RANBP17: variants seen among roughly 807,000 people sequenced by gnomAD.
RANBP17 encodes RAN binding protein 17, also known as ran-binding protein 17.
RANBP17 carries 158 observed loss-of-function variants against 141.2 expected under a neutral mutation model. The ratio of observed to expected loss-of-function variants is 1.12; its 90% CI spans 0.98 to 1.28. RANBP17 has a LOEUF of 1.28. Among genes scored for constraint, RANBP17 ranks in the 50% most tolerant of loss-of-function variants. The probability of loss-of-function intolerance (pLI) is 0.00; values close to 1 mark genes in which losing one functional copy is unlikely to be tolerated. For missense variants in RANBP17, 1,438 were observed against 1,290.7 expected (o/e 1.11, Z -1.75); for synonymous variants, 430 against 450.0 (o/e 0.96, Z 0.56).
chr5:170,930,634 C>T (rs974650883), intron 12 of RANBP17, among the ~76,000 whole-genome samples: 12 of 152,046 alleles, frequency 7.9e-5, no homozygotes, highest in Non-Finnish European at 1.2e-4. Flanking sequence ...TTGTTCAGTT[C>T]CCACCTATGA....
At chr5:171,264,928 A>G (rs1397144085) in intron 24 of RANBP17, among the ~76,000 whole-genome samples, 1 of 152,150 alleles carries the variant, frequency 6.6e-6, no homozygotes, top group African/African-American at 2.4e-5. Flanking sequence ...TCCTTCACCA[A>G]ACTCTCCTTG....
chr5:170,985,757 T>C (rs2127557417), intron 14 of RANBP17, among the ~76,000 whole-genome samples: 1 of 152,172 alleles, frequency 6.6e-6, no homozygotes, highest in East Asian at 1.9e-4. Flanking sequence ...TGGAAAGGAT[T>C]GCCTTTCCTA....
chr5:170,924,596 G>T, intron 12 of RANBP17, 46 bp downstream of exon 12: 2 of 1,207,238 alleles, frequency 1.7e-6, no homozygotes, highest in African/African-American at 3.0e-5. Flanking sequence ...TGAATATTAA[G>T]TAACATCATT....
chr5:171,263,366 T>C (rs1306405893), intron 24 of RANBP17, among the ~76,000 whole-genome samples: 2 of 152,206 alleles, frequency 1.3e-5, no homozygotes, highest in African/African-American at 4.8e-5. Flanking sequence ...AAAATGTGGG[T>C]GGTGTCATGC....
chr5:170,984,020 C>T (rs981521784), intron 14 of RANBP17, among the ~76,000 whole-genome samples: 2 of 152,136 alleles, frequency 1.3e-5, no homozygotes, highest in Non-Finnish European at 2.9e-5. Flanking sequence ...TCCCAGTGAG[C>T]ATTACAGAGC....
At chr5:171,248,366 C>CAA (rs1217728868) in intron 24 of RANBP17, among the ~76,000 whole-genome samples, 5 of 60,378 alleles carry the variant, frequency 8.3e-5, no homozygotes, top group African/African-American at 1.3e-4. Flanking sequence ...GACTCCATCT[C>CAA]AAAAAAAAAA....
At chr5:171,292,612 G>A (rs1043014670) in intron 25 of RANBP17, among the ~76,000 whole-genome samples, 18 of 152,282 alleles carry the variant, frequency 1.2e-4, no homozygotes, top group African/African-American at 3.6e-4. Flanking sequence ...CGTAATTGCC[G>A]TTTCCCCTGC....
chr5:171,022,514 A>T (rs1780938002), intron 14 of RANBP17, among the ~76,000 whole-genome samples: 1 of 152,190 alleles, frequency 6.6e-6, no homozygotes, highest in Non-Finnish European at 1.5e-5. Context: ...CCTGCAGGGG[A>T]ACCCCACCCA....
chr5:170,896,286 G>C (rs1286787873), intron 5 of RANBP17, 171 bp downstream of exon 5: 12 of 569,628 alleles, frequency 2.1e-5, no homozygotes, highest in Admixed American at 3.4e-5. Context: ...TTAAGTGGTG[G>C]AATATTTTCA....
At position 170,957,107 on chromosome 5, in the gene RANBP17, A is replaced by ACACGCGCG. The variant is rs542213195; in HGVS notation, c.1574+3406_1574+3407insACGCGCGC. Among the ~76,000 whole-genome samples, 8 of 150,534 alleles carry ACACGCGCG rather than the reference A, an allele frequency of 5.3e-5. No individual in the cohort carries two copies. The South Asian group carries it at 1.7e-3, about 32-fold the overall frequency. On this transcript the variant is annotated intron_variant, in intron 13 of 27. Transcript: ENST00000523189. ...CACACACACACACACACACACACAC[A>ACACGCGCG]CGCGCACACTGCCACTATCTCGTGA...
intron 21 of RANBP17, among the ~76,000 whole-genome samples, chr5:171,217,980 T>C (rs1244972590): frequency 6.6e-6 from 1 of 152,234 alleles, no homozygotes; most frequent in Non-Finnish European, 1.5e-5. Flanking sequence ...AATTGTGATA[T>C]TAGGGTGTCT....
intron 26 of RANBP17, 65 bp downstream of exon 26, chr5:171,294,046 G>C: frequency 1.7e-6 from 2 of 1,194,072 alleles, no homozygotes; most frequent in Middle Eastern, 2.3e-4. Flanking sequence ...TATAAGCTAG[G>C]GTGAGCTGTG....
intron 22 of RANBP17, among the ~76,000 whole-genome samples, chr5:171,238,443 G>GT (rs1197128532): frequency 6.6e-6 from 1 of 152,122 alleles, no homozygotes; most frequent in African/African-American, 2.4e-5. Flanking sequence ...CAATCAGGCA[G>GT]TTCTTGGCCT....
chr5:171,159,890 C>T (rs1309604965), intron 14 of RANBP17, among the ~76,000 whole-genome samples: 1 of 142,448 alleles, frequency 7.0e-6, no homozygotes. Context: ...GCCACTCCAG[C>T]CTGGGCGACA....
chr5:171,225,846 T>G (rs1763849464), intron 22 of RANBP17, among the ~76,000 whole-genome samples: 1 of 152,224 alleles, frequency 6.6e-6, no homozygotes, highest in South Asian at 2.1e-4. Context: ...GCTGTTTTAT[T>G]TATCTACAGT....
At chr5:171,110,012 T>C (rs1755111854) in intron 14 of RANBP17, among the ~76,000 whole-genome samples, 1 of 152,134 alleles carries the variant, frequency 6.6e-6, no homozygotes, top group South Asian at 2.1e-4. Flanking sequence ...TGGAAGGAAG[T>C]ATACTAAAAT....
rs565117753 is a variant in RANBP17 at position 171,237,578 on chromosome 5, T to G, written c.2423-3350T>G. On this transcript the variant is annotated intron_variant, in intron 22 of 27. Coordinates refer to ENST00000523189, the MANE Select transcript of RANBP17 (RefSeq NM_022897.5). ...TTTCCCCTCCCCAAATTATGGCAAA[T>G]GTACTCAGTGGGAAACAATTAGAGT... Among the ~76,000 whole-genome samples, 88 of 152,320 alleles carry G rather than the reference T, an allele frequency of 5.8e-4. 1 individual carries two copies. The South Asian group carries it at 0.015, about 26-fold the overall frequency.
At chr5:170,980,651 T>A (rs1470645325) in intron 14 of RANBP17, among the ~76,000 whole-genome samples, 4 of 152,170 alleles carry the variant, frequency 2.6e-5, no homozygotes, top group Non-Finnish European at 5.9e-5. Flanking sequence ...AAGTCAAGAA[T>A]TATAGTTGGG....
At chr5:170,921,599 A>C (rs1772471706) in intron 11 of RANBP17, among the ~76,000 whole-genome samples, 1 of 152,098 alleles carries the variant, frequency 6.6e-6, no homozygotes, top group Non-Finnish European at 1.5e-5. Flanking sequence ...ATGAACTTTA[A>C]AGTAGCTTTT....
Sources: allele counts gnomAD v4.1 joint callset (sites outside exome capture counted in the v4.1 genomes callset), GRCh38; gene constraint gnomAD v4.1.1; transcripts MANE v1.5; gene names NCBI Gene and HGNC (gene_info 2026-07-23, HGNC 2026-07-21).